PCDH15: variants seen among roughly 807,000 people sequenced by gnomAD.
PCDH15 encodes the protein protocadherin-15.
In PCDH15, 129 loss-of-function variants were observed where a neutral mutation model predicts 178.5. The observed-to-expected ratio is 0.72, with a 90% CI of 0.63 to 0.84. The LOEUF is 0.84. Among genes scored for constraint, PCDH15 ranks in the 40% least tolerant of loss-of-function variants. The probability of loss-of-function intolerance (pLI) is 0.00; values close to 1 mark genes in which losing one functional copy is unlikely to be tolerated. For missense variants in PCDH15, 2,230 were observed against 2,099.9 expected (o/e 1.06, Z -1.21); for synonymous variants, 800 against 732.0 (o/e 1.09, Z -1.50).
Position 53,820,209 on chromosome 10 carries a change from C to T in PCDH15, c.4389G>A (p.Leu1463=). ...DSSIWSFCWQ[L]VICMRTCAIW... is the part of the protein sequence containing the mutation. Reference sequence around the variant, plus strand: ...TAGCACAAGTTCTCATGCATATGACCAGCTGCCAACAAAAACTCCAACTGA... The same window carrying T: ...TAGCACAAGTTCTCATGCATATGACTAGCTGCCAACAAAAACTCCAACTGA... The change falls in exon 33 of 38, where the codon CTG becomes CTA. Residue 1463 remains leucine, a synonymous_variant. Coordinates refer to ENST00000644397, the MANE Select transcript of PCDH15 (RefSeq NM_001384140.1). 2.5e-6 allele frequency: 1 copy of T among 397,758 alleles called. No individual in the cohort carries two copies. Among genetic ancestry groups the T allele is most frequent in the Non-Finnish European group, 4.4e-6 (1 of 225,474 alleles). 24.6% of individuals were successfully genotyped at this position (397,758 alleles called of 1,614,324 possible).
intron 2 of PCDH15, among the ~76,000 whole-genome samples, chr10:55,462,416 CAACTT>C (rs1839699088): frequency 1.3e-5 from 2 of 152,036 alleles, no homozygotes; most frequent in African/African-American, 4.8e-5. Context: ...TAGAAAGTAA[CAACTT>C]AAAGAGAATT....
In PCDH15 at chr10:54,857,703, T is replaced by G. The variant is rs555654943; in HGVS notation, c.-29+39747A>C. Among the ~76,000 whole-genome samples, 8 of 152,030 alleles carry G rather than the reference T, an allele frequency of 5.3e-5. No individual in the cohort carries two copies. The East Asian group carries it at 1.6e-3, about 29-fold the overall frequency. On this transcript the variant is annotated intron_variant, in intron 3 of 5. Coordinates refer to the PCDH15 transcript ENST00000458638. ...CTGGCATCAAGCAATTCTCCCACCT[T>G]AGCCTCCCAAACTGCTGGGATTACA...
chr10:55,054,952 C>T (rs1194470365), intron 2 of PCDH15, among the ~76,000 whole-genome samples: 1 of 152,114 alleles, frequency 6.6e-6, no homozygotes, highest in Admixed American at 6.5e-5. Flanking sequence ...AAGCTTTTCC[C>T]CATTCTGTAG....
intron 2 of PCDH15, among the ~76,000 whole-genome samples, chr10:55,557,974 T>C (rs992325120): frequency 2.0e-5 from 3 of 152,224 alleles, no homozygotes; most frequent in African/African-American, 7.2e-5. Flanking sequence ...CTCTTTAATC[T>C]CGTGTTAATG....
At chr10:54,065,728 G>T (rs764178550) in intron 18 of PCDH15, among the ~76,000 whole-genome samples, 2 of 152,216 alleles carry the variant, frequency 1.3e-5, no homozygotes, top group African/African-American at 4.8e-5. Context: ...GTAGTTGCAA[G>T]TATTGTCAGT....
At chr10:54,872,683 G>A (rs1954060363) in intron 3 of PCDH15, among the ~76,000 whole-genome samples, 1 of 152,008 alleles carries the variant, frequency 6.6e-6, no homozygotes, top group Admixed American at 6.6e-5. Context: ...CTCATCAACA[G>A]CCTTGCATCA....
intron 27 of PCDH15, among the ~76,000 whole-genome samples, chr10:53,864,262 G>T (rs2079295303): frequency 1.3e-5 from 2 of 151,996 alleles, no homozygotes; most frequent in African/African-American, 2.4e-5. Flanking sequence ...TTTTCTAATG[G>T]TGGATTAAAC....
intron 2 of PCDH15, among the ~76,000 whole-genome samples, chr10:55,113,087 C>T (rs796284986): frequency 2.0e-5 from 3 of 152,146 alleles, no homozygotes; most frequent in Non-Finnish European, 4.4e-5. Flanking sequence ...CATGCTGGCA[C>T]CCTTATCTCA....
At chr10:54,324,234 A>G (rs1391495763) in intron 7 of PCDH15, among the ~76,000 whole-genome samples, 1 of 152,166 alleles carries the variant, frequency 6.6e-6, no homozygotes, top group Non-Finnish European at 1.5e-5. Flanking sequence ...AATTAATTTT[A>G]CCTATACAAA....
chr10:54,897,253 A>C (rs1954561406), intron 3 of PCDH15, among the ~76,000 whole-genome samples: 2 of 152,228 alleles, frequency 1.3e-5, no homozygotes, highest in South Asian at 4.1e-4. Flanking sequence ...AATAGTGGAC[A>C]TCTCTATACA....
At chr10:54,415,706 T>C (rs1215447206) in intron 3 of PCDH15, among the ~76,000 whole-genome samples, 3 of 152,046 alleles carry the variant, frequency 2.0e-5, no homozygotes, top group Non-Finnish European at 4.4e-5. Context: ...CTAGGGATGA[T>C]ATAAAGGTAA....
At chr10:55,498,088 G>T (rs781735913) in intron 2 of PCDH15, among the ~76,000 whole-genome samples, 1 of 151,790 alleles carries the variant, frequency 6.6e-6, no homozygotes, top group Non-Finnish European at 1.5e-5. Context: ...TTATTCAAAT[G>T]TAAAATGACT....
At chr10:54,680,271 T>G (rs543059548) in intron 1 of PCDH15, among the ~76,000 whole-genome samples, 1 of 152,202 alleles carries the variant, frequency 6.6e-6, no homozygotes. Flanking sequence ...TGTTCGAGGT[T>G]ACTTTTTCTT....
chr10:55,460,642 T>A (rs1839656631), intron 2 of PCDH15, among the ~76,000 whole-genome samples: 1 of 152,106 alleles, frequency 6.6e-6, no homozygotes. Context: ...TATTTTAATA[T>A]ATTTATCTTC....
intron 2 of PCDH15, among the ~76,000 whole-genome samples, chr10:55,024,284 T>G (rs1840419531): frequency 7.0e-6 from 1 of 142,456 alleles, no homozygotes; most frequent in South Asian, 2.2e-4. Flanking sequence ...TAGGAAGGAG[T>G]ATATATATAT....
intron 2 of PCDH15, among the ~76,000 whole-genome samples, chr10:55,576,790 A>G (rs1483089544): frequency 1.3e-5 from 2 of 152,292 alleles, no homozygotes; most frequent in Non-Finnish European, 2.9e-5. Flanking sequence ...AAGCAATAAT[A>G]TTTACCTGTT....
chr10:54,856,608 C>G (rs1339417945), intron 3 of PCDH15, among the ~76,000 whole-genome samples: 1 of 152,164 alleles, frequency 6.6e-6, no homozygotes, highest in Non-Finnish European at 1.5e-5. Flanking sequence ...CTGATATTTA[C>G]TGATCTCTAT....
At chr10:55,351,668 A>G (rs1275332669) in intron 2 of PCDH15, among the ~76,000 whole-genome samples, 2 of 152,222 alleles carry the variant, frequency 1.3e-5, no homozygotes, top group Non-Finnish European at 2.9e-5. Flanking sequence ...TGAGAAACTC[A>G]TTTATTCTTT....
chr10:54,211,963 T>G (rs2134087855), intron 10 of PCDH15, among the ~76,000 whole-genome samples: 1 of 140,636 alleles, frequency 7.1e-6, no homozygotes, highest in Admixed American at 7.5e-5. Flanking sequence ...AAACTTCCAT[T>G]AATAAAAGAA....
Sources: allele counts gnomAD v4.1 joint callset (sites outside exome capture counted in the v4.1 genomes callset), GRCh38; gene constraint gnomAD v4.1.1; transcripts MANE v1.5; gene names NCBI Gene and HGNC (gene_info 2026-07-23, HGNC 2026-07-21).